RYK: variants seen among roughly 807,000 people sequenced by gnomAD.
The protein encoded by RYK is receptor like tyrosine kinase, also known as inactive tyrosine-protein kinase RYK.
In RYK, 21 loss-of-function variants were observed where a neutral mutation model predicts 70.2. The observed-to-expected ratio is 0.30, with a 90% CI of 0.21 to 0.43. The LOEUF is 0.43. Ranked by LOEUF, RYK falls within the 20% of genes least tolerant of loss-of-function variation. The pLI, the probability that RYK is intolerant of heterozygous loss-of-function variation, is 1.00. For synonymous variants in RYK, 267 were observed against 278.0 expected, an observed-to-expected ratio of 0.96 and a Z score of 0.39; for missense variants, 604 against 753.3, an observed-to-expected ratio of 0.80 and a Z score of 2.32.
intron 13 of RYK, among the ~76,000 whole-genome samples, chr3:134,163,074 C>T (rs1406663413): frequency 6.6e-6 from 1 of 152,140 alleles, no homozygotes; most frequent in Non-Finnish European, 1.5e-5. Flanking sequence ...AAAATTACTC[C>T]CTTCCCACTG....
intron 1 of RYK, among the ~76,000 whole-genome samples, chr3:134,247,829 A>G (rs1013640870): frequency 2.0e-5 from 3 of 152,200 alleles, no homozygotes; most frequent in Admixed American, 6.5e-5. Context: ...AACTTCATTT[A>G]TAAGTTTCTT....
At chr3:134,248,649 T>G (rs2015532083) in intron 1 of RYK, among the ~76,000 whole-genome samples, 2 of 151,826 alleles carry the variant, frequency 1.3e-5, no homozygotes, top group Admixed American at 1.3e-4. Flanking sequence ...AAACCCTGTC[T>G]CTACTAAAAA....
intron 1 of RYK, among the ~76,000 whole-genome samples, chr3:134,240,053 T>C (rs144273405): frequency 1.3e-5 from 2 of 151,914 alleles, no homozygotes; most frequent in Admixed American, 1.3e-4. Flanking sequence ...GCAAGAAGAG[T>C]CTCTACATAT....
At chr3:134,180,202 T>C (rs2013249589) in intron 10 of RYK, 1 of 152,094 alleles carries the variant, frequency 6.6e-6, no homozygotes, top group South Asian at 2.1e-4. Context: ...TTTGGGCCAA[T>C]GAAGGGGCCA....
chr3:134,184,755 A>C (rs2108159103), intron 9 of RYK, among the ~76,000 whole-genome samples: 2 of 152,068 alleles, frequency 1.3e-5, no homozygotes, highest in Middle Eastern at 3.4e-3. Context: ...ACAGAGCAAG[A>C]CCCTGTCTCC....
intron 5 of RYK, 101 bp from the exon 6 acceptor site, chr3:134,202,975 T>A: frequency 1.1e-6 from 1 of 920,188 alleles, no homozygotes; most frequent in Non-Finnish European, 1.6e-6. Flanking sequence ...CATGTGCCCA[T>A]TCTTTGTAAG....
At chr3:134,228,331 G>T (rs564071496) in intron 1 of RYK, among the ~76,000 whole-genome samples, 2 of 152,050 alleles carry the variant, frequency 1.3e-5, no homozygotes, top group African/African-American at 4.8e-5. Context: ...CCCAGCAATC[G>T]CACTACTGGG....
chr3:134,215,729 C>G (rs1310789072), intron 2 of RYK, among the ~76,000 whole-genome samples: 2 of 152,022 alleles, frequency 1.3e-5, no homozygotes, highest in Non-Finnish European at 2.9e-5. Flanking sequence ...GTAGAGTGAG[C>G]CAAAATACTT....
chr3:134,166,538 C>T (rs970673150), intron 13 of RYK, among the ~76,000 whole-genome samples: 1 of 152,288 alleles, frequency 6.6e-6, no homozygotes, highest in East Asian at 1.9e-4. Context: ...ATCTGCCCCA[C>T]GATCTGTGAT....
intron 4 of RYK, 130 bp downstream of exon 4, chr3:134,209,565 C>T: frequency 1.6e-6 from 1 of 628,086 alleles, no homozygotes; most frequent in Non-Finnish European, 2.6e-6. Context: ...ACTTCACCTG[C>T]CAGTGCTCTT....
chr3:134,231,515 A>G (rs1391344117), intron 1 of RYK, among the ~76,000 whole-genome samples: 1 of 152,214 alleles, frequency 6.6e-6, no homozygotes, highest in Non-Finnish European at 1.5e-5. Context: ...CAGTCAGCCA[A>G]CTTTCTCAGG....
chr3:134,236,308 C>T (rs2015199582), intron 1 of RYK, among the ~76,000 whole-genome samples: 1 of 152,020 alleles, frequency 6.6e-6, no homozygotes, highest in Non-Finnish European at 1.5e-5. Context: ...GAGCTGGTCC[C>T]TCAATGAACA....
At chr3:134,241,533 G>A (rs1576538632) in intron 1 of RYK, among the ~76,000 whole-genome samples, 4 of 152,210 alleles carry the variant, frequency 2.6e-5, no homozygotes, top group East Asian at 3.9e-4. Context: ...TTTCAGAGAC[G>A]TTCAAATGTG....
chr3:134,234,871 T>A (rs2015160883), intron 1 of RYK, among the ~76,000 whole-genome samples: 1 of 151,994 alleles, frequency 6.6e-6, no homozygotes, highest in Admixed American at 6.6e-5. Flanking sequence ...AGTAGAAATA[T>A]GAAGAGAACC....
chr3:134,197,416 T>G (rs969295859), intron 6 of RYK, among the ~76,000 whole-genome samples: 2 of 152,212 alleles, frequency 1.3e-5, no homozygotes, highest in African/African-American at 2.4e-5. Context: ...CACTATCCTC[T>G]GATAAGATTG....
rs541095941 is a variant in RYK, at chr3:134,181,153, G to A, written c.1172+1849C>T. On this transcript the variant is annotated intron_variant, in intron 10 of 14. Coordinates refer to ENST00000623711, the MANE Select transcript of RYK (RefSeq NM_002958.4). The stretch of plus-strand genomic sequence containing the variant: ...TGAAGTGATGCAAACCTTTCACTGG[G>A]GTAAGAACATTGGCTAGGTATCTAA... 5 of 152,256 alleles carry A rather than the reference G, an allele frequency of 3.3e-5. No homozygotes were observed. The South Asian group carries it at 1.0e-3, about 32-fold the overall frequency. 9.4% of individuals were successfully genotyped at this position (152,256 alleles called of 1,614,324 possible).
intron 5 of RYK, among the ~76,000 whole-genome samples, chr3:134,203,848 A>G (rs2014109210): frequency 6.6e-6 from 1 of 152,230 alleles, no homozygotes; most frequent in African/African-American, 2.4e-5. Flanking sequence ...ATTCAAATAT[A>G]AGTACAACTA....
chr3:134,184,207 C>T (rs988207844), intron 9 of RYK, among the ~76,000 whole-genome samples: 13 of 152,010 alleles, frequency 8.6e-5, no homozygotes, highest in Non-Finnish European at 1.8e-4. Flanking sequence ...TAGAATTATG[C>T]CATTTTAGTT....
chr3:134,216,793 A>C (rs1437882629), intron 2 of RYK, among the ~76,000 whole-genome samples: 2 of 58,156 alleles, frequency 3.4e-5, no homozygotes, highest in African/African-American at 1.0e-4. Context: ...ACTCTGTCTC[A>C]AAAAAAAAAA....
Sources: gnomAD v4.1 joint callset for allele counts (sites outside exome capture counted in the v4.1 genomes callset) on GRCh38, gnomAD v4.1.1 for gene constraint, MANE v1.5 for transcripts, NCBI Gene and HGNC (gene_info 2026-07-23, HGNC 2026-07-21) for gene names.